The following ARHGEF40 variants were observed in gnomAD, a reference collection of about 807,000 sequenced individuals.
The protein encoded by ARHGEF40 is Rho guanine nucleotide exchange factor 40, also known as Rho guanine nucleotide exchange factor (GEF) 40.
A neutral mutation model predicts 165.9 loss-of-function variants in ARHGEF40; 98 were observed. The observed-to-expected ratio is 0.59, with a 90% CI of 0.50 to 0.70. The LOEUF (loss-of-function observed/expected upper bound fraction) is 0.70, where lower values mean the gene tolerates loss of function less well. ARHGEF40 is among the 30% of genes least tolerant of loss of function. ARHGEF40 has a pLI of 0.00. For synonymous variants in ARHGEF40, 792 were observed against 814.3 expected, an observed-to-expected ratio of 0.97 and a Z score of 0.47; for missense variants, 1,815 against 1,968.0, an observed-to-expected ratio of 0.92 and a Z score of 1.47.
chr14:21,070,999 G>A lies in ARHGEF40; in HGVS notation c.3+600G>A, dbSNP rs942941762. ...GCCTCAGGATAGTTGGGGGTGCTTGGGGGGGAGCTCACAGTACCAGGGGGC... is the reference window on the plus strand; with the variant it reads ...GCCTCAGGATAGTTGGGGGTGCTTGAGGGGGAGCTCACAGTACCAGGGGGC... On this transcript the variant is annotated intron_variant, in intron 1 of 23. Transcript: ENST00000298694. This position sits in a 1 kb window ranked among gnomAD's most constrained non-coding sequence, Gnocchi z 4.7. 6 of 825,450 alleles carry A rather than the reference G, an allele frequency of 7.3e-6. No individual in the cohort carries two copies. In the East Asian group the frequency reaches 8.0e-5, roughly 11 times the overall value. The allele number at this position is 825,450 out of a possible 1,614,324, so 51.1% of individuals were successfully genotyped here. A position where few individuals can be genotyped will look rare whatever the true frequency, so the allele number is the denominator to read the frequency against.
At chr14:21,076,262 T>G in intron 5 of ARHGEF40, 98 bp from the exon 6 acceptor site, 1 of 990,232 alleles carries the variant, frequency 1.0e-6, no homozygotes, top group Non-Finnish European at 1.5e-6. Flanking sequence ...TCCTCAGGAC[T>G]ATTAACTAAA....
At chr14:21,077,843 G>T (rs529732626) in intron 8 of ARHGEF40, among the ~76,000 whole-genome samples, 93 of 152,302 alleles carry the variant, frequency 6.1e-4, no homozygotes, top group Non-Finnish European at 1.2e-3. Context: ...GGCAGAGAGA[G>T]GGGGTGTGAC....
chr14:21,067,306 G>T (rs1594530574), upstream of ARHGEF40, among the ~76,000 whole-genome samples: 2 of 152,068 alleles, frequency 1.3e-5, no homozygotes, highest in African/African-American at 4.8e-5. Flanking sequence ...TGACCCACGG[G>T]GACATATCTA....
chr14:21,075,497 C>T lies in ARHGEF40; in HGVS notation c.1616C>T (p.Thr539Met), dbSNP rs143657914. 2.4e-5 allele frequency: 38 copies of T among 1,613,886 alleles called. No homozygotes were observed. The highest frequency in any genetic ancestry group is 9.3e-5 in the African/African-American group (7 of 74,992). ...DLMASGFLIL[T>M]GGVDQSGRAL... is the part of the protein sequence containing the mutation. ...ATGGCATCTGGATTCCTCATCCTGA[C>T]GGGTCAGTGGGCATCAGTGGGTGAA... Residue 539 changes from threonine (T) to methionine (M), a missense_variant and splice_region_variant, in exon 4 of 24, where the codon ACG becomes ATG. By Grantham distance (81) the Thr-to-Met change is moderately conservative. Transcript: ENST00000298694. This position sits in a 1 kb window ranked among gnomAD's most constrained non-coding sequence, Gnocchi z 4.5.
At chr14:21,065,333 C>G (rs1315090240), upstream of ARHGEF40, among the ~76,000 whole-genome samples, 1 of 152,168 alleles carries the variant, frequency 6.6e-6, no homozygotes, top group African/African-American at 2.4e-5. Context: ...CTTGCCATTC[C>G]CACCTCTCAC....
chr14:21,066,243 G>C (rs1886255457), upstream of ARHGEF40, among the ~76,000 whole-genome samples: 1 of 151,974 alleles, frequency 6.6e-6, no homozygotes, highest in African/African-American at 2.4e-5. Context: ...AGGCAGAAAA[G>C]GAATCATGAT....
rs1887203619 is a variant in ARHGEF40, at chr14:21,074,169, C to T, written c.439C>T (p.Pro147Ser). ...TGAGGCTTGTGCCTACCTATTCACA[C>T]CTGAGTGGCTACAAGGCATCAACAA... is the stretch of plus-strand genomic sequence containing the variant. ...PNEACAYLFT[P>S]EWLQGINKDR... Residue 147 changes from proline (P) to serine (S), a missense_variant, in exon 3 of 24, where the codon CCT becomes TCT. Transcript: ENST00000298694. This position sits in a 1 kb window ranked among gnomAD's most constrained non-coding sequence, Gnocchi z 4.8. 6.2e-7 allele frequency: 1 copy of T among 1,614,162 alleles called. No individual in the cohort carries two copies. The highest frequency in any genetic ancestry group is 8.5e-7 in the Non-Finnish European group (1 of 1,180,034).
At chr14:21,087,693 G>A in intron 21 of ARHGEF40, 1 of 705,022 alleles carries the variant, frequency 1.4e-6, no homozygotes, top group South Asian at 1.9e-5. Context: ...AGCTCTTCTT[G>A]GGTTTCTATG....
intron 19 of ARHGEF40, 65 bp from the exon 20 acceptor site, chr14:21,086,933 AACC>A: frequency 6.0e-6 from 7 of 1,163,784 alleles, no homozygotes; most frequent in Admixed American, 3.7e-5. Flanking sequence ...GAAAAAAATC[AACC>A]ATGACATGCT....
intron 17 of ARHGEF40, 21 bp from the exon 18 acceptor site, chr14:21,084,731 CT>C: frequency 6.2e-7 from 1 of 1,605,580 alleles, no homozygotes; most frequent in Non-Finnish European, 8.5e-7. Context: ...GGGCCAACCA[CT>C]TTTCCTTTTC....
rs776494239 is a variant in ARHGEF40, at chr14:21,081,764, C to T, written c.2896C>T (p.Arg966Ter). Reference sequence around the variant, plus strand: ...AGAGGAGGCGAGCCCACGGGGCTACCGACGACGGCGGGCAGACGGTGCCAG... The same window carrying T: ...AGAGGAGGCGAGCCCACGGGGCTACTGACGACGGCGGGCAGACGGTGCCAG... ...VGEEASPRGY[R>*]RRRADGASSG... Residue 966 changes from arginine (R) to a stop codon, truncating the protein, a stop_gained, in exon 14 of 24, where the codon CGA (arginine) becomes TGA (stop). Transcript: ENST00000298694. LOFTEE classifies it high-confidence loss of function. The T allele has an allele frequency of 5.0e-6, 8 of 1,588,544 alleles. No individual in the cohort carries two copies. The highest frequency in any genetic ancestry group is 1.8e-5 in the Admixed American group (1 of 56,118).
In ARHGEF40 at chr14:21,087,392, C is replaced by A. The variant is rs774167354; in HGVS notation, c.4316C>A (p.Pro1439Gln). The A allele has an allele frequency of 1.2e-6, 2 of 1,603,148 alleles. No individual in the cohort carries two copies. Among genetic ancestry groups the A allele is most frequent in the Non-Finnish European group, 1.7e-6 (2 of 1,179,868 alleles). The change falls in exon 21 of 24, where the codon CCG (proline) becomes CAG (glutamine). Residue 1439 changes from proline to glutamine, a missense_variant. Transcript: ENST00000298694. ...GGCCCCTCCCTTCCCGGCCTTTCGC[C>A]GGGAGCCTGCTCCCTGCCTGCCCGC... ...HAGPSLPGLS[P>Q]GACSLPARVE...
Position 21,087,379 on chromosome 14 carries a change from C to T in ARHGEF40, c.4303C>T (p.Pro1435Ser). 4 of 1,604,272 alleles carry T rather than the reference C, an allele frequency of 2.5e-6. No individual in the cohort carries two copies. The highest frequency in any genetic ancestry group is 1.1e-5 in the South Asian group (1 of 91,088). Residue 1435 changes from proline (P) to serine (S), a missense_variant, in exon 21 of 24, where the codon CCC (proline) becomes TCC (serine). Coordinates refer to ENST00000298694, the MANE Select transcript of ARHGEF40 (RefSeq NM_018071.5). ...SSFEHAGPSL[P>S]GLSPGACSLP... ...CTTTGAGCATGCCGGCCCCTCCCTT[C>T]CCGGCCTTTCGCCGGGAGCCTGCTC... is the stretch of plus-strand genomic sequence containing the variant.
In ARHGEF40 at chr14:21,074,033, C is replaced by T. The variant is rs758328028; in HGVS notation, c.303C>T (p.Arg101=). Residue 101 remains arginine (R), a synonymous_variant, in exon 3 of 24, where the codon CGC becomes CGT. Coordinates refer to ENST00000298694, the MANE Select transcript of ARHGEF40 (RefSeq NM_018071.5). The surrounding 1 kb of genome is among the most constrained non-coding windows in gnomAD (Gnocchi z 4.8). ...CAGCCCTACCCTGGCAACTGCTGCG[C>T]CCAGGAGACTTCTATCTGCAGGTGG... ...QLAALPWQLL[R]PGDFYLQVVP... 1 of 1,614,118 alleles carries T rather than the reference C, an allele frequency of 6.2e-7. No individual in the cohort carries two copies. Among genetic ancestry groups the T allele is most frequent in the Non-Finnish European group, 8.5e-7 (1 of 1,180,038 alleles).
Position 21,070,371 on chromosome 14 carries a change from C to G in ARHGEF40, c.-26C>G. ...GCCCGGCCCCGCCCGCCCGACCAAGCGTCGGACGCGGCCCGGCGCCGAGCC... is the reference window on the plus strand; with the variant it reads ...GCCCGGCCCCGCCCGCCCGACCAAGGGTCGGACGCGGCCCGGCGCCGAGCC... On this transcript the variant is annotated 5_prime_UTR_variant, in exon 1 of 24. Coordinates refer to ENST00000298694, the MANE Select transcript of ARHGEF40 (RefSeq NM_018071.5). This position sits in a 1 kb window ranked among gnomAD's most constrained non-coding sequence, Gnocchi z 4.7. 1 of 1,406,732 alleles carries G rather than the reference C, an allele frequency of 7.1e-7. No homozygotes were observed. Among genetic ancestry groups the G allele is most frequent in the Non-Finnish European group, 9.2e-7 (1 of 1,088,656 alleles). 87.1% of individuals were successfully genotyped at this position (1,406,732 alleles called of 1,614,324 possible). A position where few individuals can be genotyped will look rare whatever the true frequency, so the allele number is the denominator to read the frequency against.
chr14:21,073,274 C>G lies in ARHGEF40; in HGVS notation c.201+32C>G. The G allele has an allele frequency of 6.4e-7, 1 of 1,564,858 alleles. No homozygotes were observed. The highest frequency in any genetic ancestry group is 8.7e-7 in the Non-Finnish European group (1 of 1,155,062). ...GGCCGTGCATCACTATTCTGCCTTC[C>G]CCAAGATCCACTGCCACACTCTACA... On this transcript the variant is annotated intron_variant, in intron 2 of 23. Coordinates refer to ENST00000298694, the MANE Select transcript of ARHGEF40 (RefSeq NM_018071.5). This position sits in a 1 kb window ranked among gnomAD's most constrained non-coding sequence, Gnocchi z 4.6.
chr14:21,086,236 G>T, intron 19 of ARHGEF40: 1 of 259,262 alleles, frequency 3.9e-6, no homozygotes, highest in Non-Finnish European at 7.6e-6. Flanking sequence ...AATTAACTGG[G>T]CATGGTAGTA....
intron 5 of ARHGEF40, among the ~76,000 whole-genome samples, chr14:21,076,046 T>C (rs574139989): frequency 3.9e-5 from 6 of 152,350 alleles, no homozygotes; most frequent in African/African-American, 1.4e-4. Context: ...TATTGAGCAC[T>C]GAGTACCTAT....
In ARHGEF40 at chr14:21,087,960, C is replaced by T; in HGVS notation, c.4388-8C>T. 3 of 1,613,926 alleles carry T rather than the reference C, an allele frequency of 1.9e-6. No individual in the cohort carries two copies. Among genetic ancestry groups the T allele is most frequent in the Non-Finnish European group, 2.5e-6 (3 of 1,180,016 alleles). On this transcript the variant is annotated splice_region_variant and splice_polypyrimidine_tract_variant and intron_variant, in intron 21 of 23. Coordinates refer to ENST00000298694, the MANE Select transcript of ARHGEF40 (RefSeq NM_018071.5). ...TGTACTCTGCTCTCACCCTAGCTTC[C>T]CCTTCAGCCCCAGAAACACTTGACT...
Sources: allele counts gnomAD v4.1 joint callset (sites outside exome capture counted in the v4.1 genomes callset), GRCh38; gene constraint gnomAD v4.1.1; non-coding constraint Gnocchi (gnomAD v3.1); transcripts MANE v1.5; gene names NCBI Gene and HGNC (gene_info 2026-07-23, HGNC 2026-07-21).